ANO6: variants seen among roughly 807,000 people sequenced by gnomAD.
The protein encoded by ANO6 is anoctamin 6.
A neutral mutation model predicts 117.5 loss-of-function variants in ANO6; 106 were observed. The ratio of observed to expected loss-of-function variants is 0.90; its 90% confidence interval spans 0.77 to 1.06. ANO6 has a LOEUF of 1.06. Among genes scored for constraint, ANO6 ranks in the 50% least tolerant of loss-of-function variants. The probability of loss-of-function intolerance (pLI) is 0.00; values close to 1 mark genes in which losing one functional copy is unlikely to be tolerated. For missense variants in ANO6, 955 were observed against 1,121.1 expected (o/e 0.85, Z 2.12); for synonymous variants, 367 against 385.1 (o/e 0.95, Z 0.55).
chr12:45,331,364 G>A lies in ANO6; in HGVS notation c.220G>A (p.Val74Ile). The change falls in exon 3 of 20, where the codon GTA becomes ATA. Residue 74 changes from valine (V) to isoleucine (I), a missense_variant. Val to Ile is a conservative substitution (Grantham distance 29). Transcript: ENST00000320560. ...DGQRRIDFVLVYEDESRKETN... is the reference protein window; with the variant it reads ...DGQRRIDFVLIYEDESRKETN... ...CCAGCGAAGAATTGACTTTGTTCTA[G>A]TATATGAGGATGAAAGCAGAAAAGA... 6.2e-7 allele frequency: 1 copy of A among 1,609,966 alleles called. No individual in the cohort carries two copies. Among genetic ancestry groups the A allele is most frequent in the Non-Finnish European group, 8.5e-7 (1 of 1,178,000 alleles).
chr12:45,368,074 C>G (rs1297312317), intron 9 of ANO6, among the ~76,000 whole-genome samples: 1 of 152,158 alleles, frequency 6.6e-6, no homozygotes. Context: ...GCAGAAATCT[C>G]AAACCCATTT....
chr12:45,435,035 T>C (rs1943692006), downstream of ANO6, among the ~76,000 whole-genome samples: 1 of 152,214 alleles, frequency 6.6e-6, no homozygotes. Flanking sequence ...CCAGACAATA[T>C]TCTTCCACAT....
At chr12:45,416,671 C>T in intron 16 of ANO6, 28 bp from the exon 17 acceptor site, 1 of 1,610,412 alleles carries the variant, frequency 6.2e-7, no homozygotes, top group South Asian at 1.1e-5. Context: ...CACCACCACT[C>T]CATGATGTGT....
At chr12:45,432,361 A>C (rs978973411), downstream of ANO6, 4 of 791,110 alleles carry the variant, frequency 5.1e-6, no homozygotes, top group Non-Finnish European at 6.1e-6. Flanking sequence ...AGTATGGTCT[A>C]TTCTATATTG....
chr12:45,244,410 G>T (rs527716619), intron 1 of ANO6, among the ~76,000 whole-genome samples: 20 of 149,374 alleles, frequency 1.3e-4, no homozygotes, highest in African/African-American at 2.7e-4. Flanking sequence ...ATTTGGGGGG[G>T]GGGGGTGGTC....
At chr12:45,292,612 T>C (rs1939139513) in intron 1 of ANO6, 1 of 1,099,088 alleles carries the variant, frequency 9.1e-7, no homozygotes, top group African/African-American at 1.6e-5. Context: ...GAATCAGTAA[T>C]GTGATAGTTG....
chr12:45,318,265 T>G (rs1471841386), intron 2 of ANO6, among the ~76,000 whole-genome samples: 1 of 152,184 alleles, frequency 6.6e-6, no homozygotes, highest in Non-Finnish European at 1.5e-5. Context: ...AGGTCTAACA[T>G]TTAAGTCTTT....
chr12:45,413,393 G>A (rs1943135464), intron 16 of ANO6, among the ~76,000 whole-genome samples: 1 of 152,200 alleles, frequency 6.6e-6, no homozygotes, highest in Non-Finnish European at 1.5e-5. Context: ...AGAACATAAG[G>A]AGAGGAGCTG....
At chr12:45,434,080 G>T (rs139677778), downstream of ANO6, among the ~76,000 whole-genome samples, 1 of 152,122 alleles carries the variant, frequency 6.6e-6, no homozygotes, top group African/African-American at 2.4e-5. Context: ...TGGAAGATAC[G>T]CCTGAGATCG....
At chr12:45,252,955 T>C (rs1327536311) in intron 1 of ANO6, among the ~76,000 whole-genome samples, 1 of 152,212 alleles carries the variant, frequency 6.6e-6, no homozygotes, top group Non-Finnish European at 1.5e-5. Context: ...GTTCCTGACT[T>C]ACCTGGATGT....
chr12:45,288,759 G>T (rs1315767654), intron 1 of ANO6, among the ~76,000 whole-genome samples: 1 of 151,992 alleles, frequency 6.6e-6, no homozygotes, highest in Non-Finnish European at 1.5e-5. Flanking sequence ...TGTTTGTTTT[G>T]TTTTGTTTGA....
rs118142723 is a variant in ANO6 at position 45,307,414 on chromosome 12, G to A, written c.150+5321G>A. On this transcript the variant is annotated intron_variant, in intron 2 of 19. Coordinates refer to ENST00000320560, the MANE Select transcript of ANO6 (RefSeq NM_001025356.3). ...TTGACAGATCAAATGTGAGCTGTGC[G>A]AGAAAGAGCAGTCAAGGAATGACTC... Among the ~76,000 whole-genome samples the A allele has an allele frequency of 1.5e-3, 233 of 152,272 alleles. 1 individual carries two copies. The highest frequency in any genetic ancestry group is 0.013 in the East Asian group (69 of 5,170).
At chr12:45,324,518 G>A (rs986506239) in intron 2 of ANO6, among the ~76,000 whole-genome samples, 3 of 152,114 alleles carry the variant, frequency 2.0e-5, no homozygotes, top group African/African-American at 7.2e-5. Flanking sequence ...TGGCCCAGGG[G>A]TACATGTGAC....
chr12:45,409,444 G>C lies in ANO6; in HGVS notation c.1968G>C (p.Gln656His), dbSNP rs1049964387. 3.1e-6 allele frequency: 5 copies of C among 1,614,060 alleles called. No individual in the cohort carries two copies. The highest frequency in any genetic ancestry group is 4.2e-6 in the Non-Finnish European group (5 of 1,179,972). The change falls in exon 16 of 20, where the codon CAG becomes CAC. Residue 656 changes from glutamine (Q) to histidine (H), a missense_variant. Coordinates refer to ENST00000320560, the MANE Select transcript of ANO6 (RefSeq NM_001025356.3). ...TPRWEQDYHL[Q>H]PMGKLGLFYE... ...GATGGGAACAGGACTACCATCTGCA[G>C]CCTATGGGCAAACTGGGATTATTTT... is the stretch of plus-strand genomic sequence containing the variant.
intron 2 of ANO6, among the ~76,000 whole-genome samples, chr12:45,326,578 T>C (rs74083321): frequency 0.011 from 1,631 of 152,268 alleles, 30 homozygotes; most frequent in African/African-American, 0.037. Flanking sequence ...ACAGAAAACA[T>C]GCTCACCTTG....
intron 2 of ANO6, among the ~76,000 whole-genome samples, chr12:45,328,005 C>T (rs910168855): frequency 6.6e-6 from 1 of 152,078 alleles, no homozygotes; most frequent in Non-Finnish European, 1.5e-5. Context: ...CATTCTGGGC[C>T]ATTCCTGAGT....
At chr12:45,362,707 T>C (rs188416295) in intron 8 of ANO6, among the ~76,000 whole-genome samples, 8 of 152,260 alleles carry the variant, frequency 5.3e-5, no homozygotes, top group African/African-American at 1.4e-4. Context: ...TTTTAGTGGC[T>C]TCCCTGGGGA....
intron 1 of ANO6, among the ~76,000 whole-genome samples, chr12:45,238,015 GCTCT>G (rs1947674029): frequency 6.6e-6 from 1 of 152,036 alleles, no homozygotes; most frequent in African/African-American, 2.4e-5. Flanking sequence ...TCATGATTTG[GCTCT>G]CTGTCTGATA....
intron 3 of ANO6, among the ~76,000 whole-genome samples, chr12:45,337,418 C>T (rs1940857855): frequency 6.6e-6 from 1 of 151,998 alleles, no homozygotes; most frequent in Non-Finnish European, 1.5e-5. Flanking sequence ...TTCCATATAC[C>T]CTAGGTGTAT....
Sources: gnomAD v4.1 joint callset for allele counts (sites outside exome capture counted in the v4.1 genomes callset) on GRCh38, gnomAD v4.1.1 for gene constraint, MANE v1.5 for transcripts, NCBI Gene and HGNC (gene_info 2026-07-23, HGNC 2026-07-21) for gene names.